TTC29: variants seen among roughly 807,000 people sequenced by gnomAD.
TTC29 encodes tetratricopeptide repeat domain 29.
Under a neutral mutation model 58.1 loss-of-function variants are expected in TTC29, and 49 were observed. The observed-to-expected ratio is 0.84, with a 90% CI of 0.67 to 1.07. The LOEUF (loss-of-function observed/expected upper bound fraction) is 1.07. TTC29 is among the 50% of genes least tolerant of loss of function. The pLI is 0.00. For missense variants in TTC29, 582 were observed against 555.6 expected (o/e 1.05, Z -0.48); for synonymous variants, 209 against 196.8 (o/e 1.06, Z -0.52).
At chr4:146,823,097 CTTTAG>C (rs1379686098) in intron 9 of TTC29, among the ~76,000 whole-genome samples, 15 of 152,226 alleles carry the variant, frequency 9.9e-5, no homozygotes, top group Non-Finnish European at 2.9e-5. Context: ...TGCAGAAGCT[CTTTAG>C]TTTAATTAGA....
chr4:146,839,916 T>C (rs1314456621), intron 8 of TTC29, among the ~76,000 whole-genome samples: 2 of 151,986 alleles, frequency 1.3e-5, no homozygotes, highest in Non-Finnish European at 2.9e-5. Context: ...TATACATAGG[T>C]GTGAATGACT....
At chr4:146,708,146 G>T (rs1420567025) in intron 11 of TTC29, among the ~76,000 whole-genome samples, 2 of 151,652 alleles carry the variant, frequency 1.3e-5, no homozygotes, top group African/African-American at 4.8e-5. Flanking sequence ...GACGAGCCCT[G>T]CCTGAATTCC....
At chr4:146,772,110 T>C (rs913200460) in intron 11 of TTC29, among the ~76,000 whole-genome samples, 2 of 152,144 alleles carry the variant, frequency 1.3e-5, no homozygotes, top group Non-Finnish European at 2.9e-5. Context: ...TGTTTTCTGC[T>C]TGTTATTTGT....
chr4:146,747,415 C>T (rs1470026418), intron 11 of TTC29, among the ~76,000 whole-genome samples: 2 of 152,192 alleles, frequency 1.3e-5, no homozygotes, highest in Non-Finnish European at 2.9e-5. Flanking sequence ...AGAGCTTCTG[C>T]TATGCCCTGC....
chr4:146,926,439 T>A (rs1734934822), intron 4 of TTC29, among the ~76,000 whole-genome samples: 1 of 152,126 alleles, frequency 6.6e-6, no homozygotes, highest in African/African-American at 2.4e-5. Flanking sequence ...CTAGTTATAA[T>A]CTGACAGCTG....
At chr4:146,731,843 A>G (rs941737115) in intron 11 of TTC29, among the ~76,000 whole-genome samples, 1 of 152,192 alleles carries the variant, frequency 6.6e-6, no homozygotes, top group African/African-American at 2.4e-5. Flanking sequence ...GCATTCCTGG[A>G]ACCATAATGA....
chr4:146,849,353 C>T (rs1729371916), intron 8 of TTC29, among the ~76,000 whole-genome samples: 1 of 152,088 alleles, frequency 6.6e-6, no homozygotes, highest in Non-Finnish European at 1.5e-5. Flanking sequence ...GACTTTGAAA[C>T]CCATGTTCTT....
Position 146,707,045 on chromosome 4 carries a change from A to T in TTC29, c.*113T>A, listed in dbSNP as rs933991053. 3 of 698,810 alleles carry T rather than the reference A, an allele frequency of 4.3e-6. No individual in the cohort carries two copies. Among genetic ancestry groups the T allele is most frequent in the African/African-American group, 3.8e-5 (2 of 53,216 alleles). 43.3% of individuals were successfully genotyped at this position (698,810 alleles called of 1,614,324 possible). The stretch of plus-strand genomic sequence containing the variant: ...TGCAAAATCCAATGAAAAGAGTCAT[A>T]GTCCGTTTTATTATAACTCTATATT... On this transcript the variant is annotated 3_prime_UTR_variant, in exon 13 of 13. Transcript: ENST00000325106.
intron 11 of TTC29, among the ~76,000 whole-genome samples, chr4:146,708,385 T>A (rs1322807731): frequency 6.9e-6 from 1 of 144,292 alleles, no homozygotes; most frequent in Non-Finnish European, 1.5e-5. Context: ...TATATATAAA[T>A]ACATATATAA....
At chr4:146,884,671 A>T (rs1346183758) in intron 6 of TTC29, among the ~76,000 whole-genome samples, 1 of 152,048 alleles carries the variant, frequency 6.6e-6, no homozygotes, top group Non-Finnish European at 1.5e-5. Flanking sequence ...GAAGAGAAAA[A>T]ATGCTCCCAA....
chr4:146,750,668 A>G (rs1286350688), intron 11 of TTC29, among the ~76,000 whole-genome samples: 1 of 152,210 alleles, frequency 6.6e-6, no homozygotes, highest in Admixed American at 6.5e-5. Context: ...ATAGCAGATT[A>G]TAAGATTTTT....
At chr4:146,707,867 G>A (rs1451594437) in intron 11 of TTC29, among the ~76,000 whole-genome samples, 1 of 152,084 alleles carries the variant, frequency 6.6e-6, no homozygotes, top group East Asian at 1.9e-4. Flanking sequence ...AATGAGTTCT[G>A]GGGCTAGGTC....
At chr4:146,729,137 C>T (rs1007439112) in intron 11 of TTC29, among the ~76,000 whole-genome samples, 2 of 151,926 alleles carry the variant, frequency 1.3e-5, no homozygotes, top group Non-Finnish European at 2.9e-5. Flanking sequence ...AACTACTCTC[C>T]TTGGAGGCCG....
At chr4:146,925,592 G>A (rs936152602) in intron 4 of TTC29, among the ~76,000 whole-genome samples, 5 of 152,028 alleles carry the variant, frequency 3.3e-5, no homozygotes, top group East Asian at 1.9e-4. Flanking sequence ...AATGAGATTC[G>A]TCATTTATCT....
At chr4:146,933,120 A>T (rs1295655228) in intron 4 of TTC29, among the ~76,000 whole-genome samples, 5 of 152,212 alleles carry the variant, frequency 3.3e-5, no homozygotes, top group Admixed American at 3.3e-4. Context: ...AACTCACTGA[A>T]TATAGTAATG....
At chr4:146,922,146 AAAG>A (rs1250286043) in intron 4 of TTC29, among the ~76,000 whole-genome samples, 11 of 151,350 alleles carry the variant, frequency 7.3e-5, no homozygotes, top group Admixed American at 6.6e-4. Context: ...GAATTGAAAG[AAAG>A]AAGAAGTTAT....
chr4:146,845,226 T>C (rs1219018791), intron 8 of TTC29, among the ~76,000 whole-genome samples: 4 of 152,118 alleles, frequency 2.6e-5, no homozygotes, highest in African/African-American at 7.2e-5. Flanking sequence ...ACAGCTGCCT[T>C]AGAGTTAAGG....
At chr4:146,943,648 G>A (rs1176861293) in intron 2 of TTC29, among the ~76,000 whole-genome samples, 1 of 152,182 alleles carries the variant, frequency 6.6e-6, no homozygotes, top group African/African-American at 2.4e-5. Flanking sequence ...TGTGTGATCT[G>A]AATTTTATGA....
At chr4:146,713,728 C>T (rs1412593043) in intron 11 of TTC29, among the ~76,000 whole-genome samples, 2 of 151,846 alleles carry the variant, frequency 1.3e-5, no homozygotes, top group Non-Finnish European at 2.9e-5. Flanking sequence ...AAGTATATTC[C>T]AATTCAAAAG....
Sources: allele counts gnomAD v4.1 joint callset (sites outside exome capture counted in the v4.1 genomes callset), GRCh38; gene constraint gnomAD v4.1.1; transcripts MANE v1.5; gene names NCBI Gene and HGNC (gene_info 2026-07-23, HGNC 2026-07-21).